Variants in LRRC49 observed in about 807,000 individuals in gnomAD.
The protein encoded by LRRC49 is leucine-rich repeat-containing protein 49.
LRRC49 carries 50 observed loss-of-function variants against 83.3 expected under a neutral mutation model. That is an observed-to-expected ratio of 0.60 (90% CI 0.48 to 0.76). The LOEUF (loss-of-function observed/expected upper bound fraction) is 0.76, where lower values mean the gene tolerates loss of function less well. LRRC49 is among the 30% of genes least tolerant of loss of function. The probability of loss-of-function intolerance (pLI) is 0.00; values close to 1 mark genes in which losing one functional copy is unlikely to be tolerated. For synonymous variants in LRRC49, 286 were observed against 283.3 expected, an observed-to-expected ratio of 1.01 and a Z score of -0.10; for missense variants, 704 against 809.1, an observed-to-expected ratio of 0.87 and a Z score of 1.58.
At position 71,053,334 on chromosome 15, in the gene LRRC49, A is replaced by G. The variant is rs113197678; in HGVS notation, c.*3722A>G. On this transcript the variant is annotated 3_prime_UTR_variant, in exon 16 of 16. Coordinates refer to ENST00000260382, the MANE Select transcript of LRRC49 (RefSeq NM_017691.5). ...CAAGGTTTTTGGCTTGAACTACCGA[A>G]AAGATTGAGTTGCCATCAACTGAGA... is the stretch of plus-strand genomic sequence containing the variant. 23 of 152,330 alleles carry G rather than the reference A, an allele frequency of 1.5e-4. No individual in the cohort carries two copies. The highest frequency in any genetic ancestry group is 5.1e-4 in the African/African-American group (21 of 41,574). 9.4% of individuals were successfully genotyped at this position (152,330 alleles called of 1,614,324 possible).
In LRRC49 at chr15:70,858,829, C is replaced by T. The variant is rs1275401339; in HGVS notation, c.-299+5360C>T. ...CCCGCATCAGCACCTGAGATTCTCCCGAGTGGGCAGCAGCAGCTTCTGGGG... is the reference window on the plus strand; with the variant it reads ...CCCGCATCAGCACCTGAGATTCTCCTGAGTGGGCAGCAGCAGCTTCTGGGG... On this transcript the variant is annotated intron_variant, in intron 1 of 16. Transcript: ENST00000544974. The T allele has an allele frequency of 2.1e-5, 17 of 793,048 alleles. No individual in the cohort carries two copies. In the East Asian group the frequency reaches 2.2e-4, roughly 10 times the overall value. 49.1% of individuals were successfully genotyped at this position (793,048 alleles called of 1,614,324 possible).
chr15:70,893,668 A>G lies in LRRC49; in HGVS notation c.105+28A>G, dbSNP rs1344607415. 4.5e-6 allele frequency: 7 copies of G among 1,567,864 alleles called. No homozygotes were observed. In the African/African-American group the frequency reaches 8.1e-5, roughly 18 times the overall value. On this transcript the variant is annotated intron_variant, in intron 2 of 15. Transcript: ENST00000260382. ...AAGATTTAAGAAGGTTGGCATTTAA[A>G]TTGAAGATTGTTTTAAATTCTACAC... is the stretch of plus-strand genomic sequence containing the variant.
rs763468382 is a variant in LRRC49 at position 71,050,428 on chromosome 15, G to A, written c.*816G>A. The A allele has an allele frequency of 2.0e-5, 3 of 152,176 alleles. No homozygotes were observed. The highest frequency in any genetic ancestry group is 4.4e-5 in the Non-Finnish European group (3 of 68,056). The allele number at this position is 152,176 out of a possible 1,614,324, so 9.4% of individuals were successfully genotyped here. ...GTACCTGTGTCTCAGAAGTATTAGG[G>A]ATGCATGAGTGAAGGGTTCTAATTT... On this transcript the variant is annotated 3_prime_UTR_variant, in exon 16 of 16. Coordinates refer to ENST00000260382, the MANE Select transcript of LRRC49 (RefSeq NM_017691.5).
chr15:70,868,063 AG>A (rs5813611), intron 1 of LRRC49, among the ~76,000 whole-genome samples: 152,198 of 152,198 alleles, frequency 1, 76,099 homozygotes, highest in Non-Finnish European at 1. Context: ...GGGGAAAGGG[AG>A]GGGGGTGCTA....
At chr15:70,882,890 G>A in intron 2 of LRRC49, 1 of 1,613,946 alleles carries the variant, frequency 6.2e-7, no homozygotes, top group Non-Finnish European at 8.5e-7. Context: ...GTTTGCACAA[G>A]TTCATTTTCA....
intron 10 of LRRC49, among the ~76,000 whole-genome samples, chr15:70,981,434 T>C (rs534861800): frequency 5.3e-5 from 8 of 151,762 alleles, no homozygotes; most frequent in African/African-American, 1.7e-4. Context: ...CCATGGCACA[T>C]GTATACCTAT....
At chr15:71,038,979 T>C (rs1163510744) in intron 15 of LRRC49, among the ~76,000 whole-genome samples, 3 of 152,116 alleles carry the variant, frequency 2.0e-5, no homozygotes, top group Admixed American at 6.6e-5. Context: ...GAGATAGACA[T>C]ATATACGGAT....
rs375390597 is a variant in LRRC49 at position 70,904,772 on chromosome 15, A to T, written c.500+17A>T. The T allele has an allele frequency of 7.0e-6, 11 of 1,573,458 alleles. No individual in the cohort carries two copies. The highest frequency in any genetic ancestry group is 9.6e-6 in the Non-Finnish European group (11 of 1,146,226). On this transcript the variant is annotated intron_variant, in intron 5 of 15. Coordinates refer to ENST00000260382, the MANE Select transcript of LRRC49 (RefSeq NM_017691.5). ...GAAAAACAGGTATTCTTTGTAGAGC[A>T]GTTTTTGTAGCCTAATGTTATGTGT...
At chr15:70,893,095 C>G in intron 1 of LRRC49, 153 bp downstream of exon 1, 3 of 809,042 alleles carry the variant, frequency 3.7e-6, no homozygotes, top group Non-Finnish European at 6.3e-6. Context: ...TGGGCTGGAC[C>G]AAGGCACAAT....
At chr15:70,927,654 G>A (rs1229852020) in intron 7 of LRRC49, among the ~76,000 whole-genome samples, 1 of 151,820 alleles carries the variant, frequency 6.6e-6, no homozygotes, top group African/African-American at 2.4e-5. Context: ...TCATTTATTT[G>A]TTTATTTATT....
In LRRC49 at chr15:70,903,525, C is replaced by T. The variant is rs1195992836; in HGVS notation, c.297-1027C>T. On this transcript the variant is annotated intron_variant, in intron 4 of 15. Transcript: ENST00000260382. ...TAACATTCAGTTATTTTTTTTTCTG[C>T]GAATCATTCTTTTTTCTCTTTATCA... is the stretch of plus-strand genomic sequence containing the variant. 4.0e-5 allele frequency among the ~76,000 whole-genome samples: 6 copies of T among 151,418 alleles called. No homozygotes were observed. In the East Asian group the frequency reaches 9.7e-4, roughly 24 times the overall value.
chr15:70,987,584 C>G (rs1309256997), intron 11 of LRRC49, among the ~76,000 whole-genome samples: 3 of 151,920 alleles, frequency 2.0e-5, no homozygotes, highest in African/African-American at 7.3e-5. Flanking sequence ...TTCAAAAAAC[C>G]AGCTCCTGGA....
At chr15:70,946,908 T>A (rs553244603) in intron 8 of LRRC49, among the ~76,000 whole-genome samples, 1 of 152,288 alleles carries the variant, frequency 6.6e-6, no homozygotes, top group Non-Finnish European at 1.5e-5. Context: ...TCCCTTTTTT[T>A]TCATAAAACT....
intron 11 of LRRC49, among the ~76,000 whole-genome samples, chr15:70,995,837 G>A (rs1008056778): frequency 1.3e-5 from 2 of 152,174 alleles, no homozygotes; most frequent in Non-Finnish European, 2.9e-5. Flanking sequence ...ATCTGTTAGT[G>A]AAAATTGTTG....
At chr15:70,984,392 G>T in intron 11 of LRRC49, 135 bp downstream of exon 11, 3 of 710,352 alleles carry the variant, frequency 4.2e-6, no homozygotes, top group East Asian at 3.0e-5. Flanking sequence ...AAATTAAGAT[G>T]GAAAAGTTGA....
At chr15:70,891,790 G>A (rs1298186201), upstream of LRRC49, 35 of 1,438,866 alleles carry the variant, frequency 2.4e-5, no homozygotes, top group Non-Finnish European at 3.1e-5. Flanking sequence ...CTAAGTGGAG[G>A]AGCCCAGCCA....
chr15:71,011,402 A>G (rs1280980783), intron 13 of LRRC49, among the ~76,000 whole-genome samples: 1 of 152,164 alleles, frequency 6.6e-6, no homozygotes, highest in Non-Finnish European at 1.5e-5. Flanking sequence ...CAAACTTTGA[A>G]TCAGGAAGGA....
rs1056043683 is a variant in LRRC49 at position 71,053,227 on chromosome 15, G to A, written c.*3615G>A. 2 of 152,098 alleles carry A rather than the reference G, an allele frequency of 1.3e-5. No individual in the cohort carries two copies. Among genetic ancestry groups the A allele is most frequent in the Non-Finnish European group, 2.9e-5 (2 of 68,038 alleles). The allele number at this position is 152,098 out of a possible 1,614,324, so 9.4% of individuals were successfully genotyped here. On this transcript the variant is annotated 3_prime_UTR_variant, in exon 16 of 16. Transcript: ENST00000260382. Reference sequence around the variant, plus strand: ...AGGCGTCAGAAAGTAGTTGGATCTTGGGTATATTTTAAAGATGAAGCAACA... The same window carrying A: ...AGGCGTCAGAAAGTAGTTGGATCTTAGGTATATTTTAAAGATGAAGCAACA...
chr15:70,967,379 A>C (rs1197306407), intron 9 of LRRC49, among the ~76,000 whole-genome samples: 1 of 152,100 alleles, frequency 6.6e-6, no homozygotes, highest in Admixed American at 6.6e-5. Flanking sequence ...TCAGCCTTGA[A>C]GATAGATCGG....
Sources: gnomAD v4.1 joint callset for allele counts (sites outside exome capture counted in the v4.1 genomes callset) on GRCh38, gnomAD v4.1.1 for gene constraint, MANE v1.5 for transcripts, NCBI Gene and HGNC (gene_info 2026-07-23, HGNC 2026-07-21) for gene names.